PDE11A: variants seen among roughly 807,000 people sequenced by gnomAD.
PDE11A encodes the protein dual 3',5'-cyclic-AMP and -GMP phosphodiesterase 11A.
In PDE11A, 100 loss-of-function variants were observed where a neutral mutation model predicts 100.5. That is an observed-to-expected ratio of 1.00 (90% CI 0.85 to 1.18). The LOEUF (loss-of-function observed/expected upper bound fraction) is 1.18, where lower values mean the gene tolerates loss of function less well. PDE11A is among the 50% of genes most tolerant of loss of function. The pLI is 0.00. For synonymous variants in PDE11A, 381 were observed against 420.8 expected (o/e 0.91, Z 1.16); for missense variants, 1,141 against 1,152.6 (o/e 0.99, Z 0.15).
chr2:177,790,627 T>C (rs1363526199), intron 9 of PDE11A, among the ~76,000 whole-genome samples: 2 of 152,170 alleles, frequency 1.3e-5, no homozygotes, highest in East Asian at 1.9e-4. Flanking sequence ...AGAAAATTTT[T>C]GCAACCTACT....
At chr2:177,930,947 C>A (rs1468319788) in intron 2 of PDE11A, among the ~76,000 whole-genome samples, 1 of 152,204 alleles carries the variant, frequency 6.6e-6, no homozygotes, top group Non-Finnish European at 1.5e-5. Context: ...GGGAGTCTTG[C>A]ACTGTGGCTC....
At chr2:178,071,459 T>A (rs973562415) in intron 1 of PDE11A, 67 bp downstream of exon 1, 7 of 1,604,310 alleles carry the variant, frequency 4.4e-6, no homozygotes, top group Non-Finnish European at 6.0e-6. Context: ...GGATGCCAGA[T>A]GATAACCGAA....
At chr2:177,689,659 T>G (rs2081014342) in intron 15 of PDE11A, among the ~76,000 whole-genome samples, 1 of 152,220 alleles carries the variant, frequency 6.6e-6, no homozygotes, top group Non-Finnish European at 1.5e-5. Context: ...TGAAGTGAAC[T>G]TTCTCCCTGC....
At chr2:177,888,405 A>G (rs528256062) in intron 4 of PDE11A, among the ~76,000 whole-genome samples, 2 of 152,308 alleles carry the variant, frequency 1.3e-5, no homozygotes, top group South Asian at 4.1e-4. Flanking sequence ...TTCTAAGACA[A>G]TTGGTTATAC....
At chr2:178,054,750 C>G (rs1454128128) in intron 1 of PDE11A, among the ~76,000 whole-genome samples, 3 of 152,178 alleles carry the variant, frequency 2.0e-5, no homozygotes, top group Non-Finnish European at 4.4e-5. Context: ...TGAAAAAATG[C>G]TCATCATCAC....
intron 13 of PDE11A, among the ~76,000 whole-genome samples, chr2:177,707,812 G>A (rs1022323781): frequency 3.9e-5 from 6 of 152,168 alleles, no homozygotes; most frequent in African/African-American, 9.7e-5. Flanking sequence ...CTCTGTCAGC[G>A]CCATACACCA....
At chr2:177,795,963 A>ATC (rs2082701716) in intron 9 of PDE11A, among the ~76,000 whole-genome samples, 1 of 122,252 alleles carries the variant, frequency 8.2e-6, no homozygotes, top group African/African-American at 4.0e-5. Flanking sequence ...ATATATATAT[A>ATC]TATATATATA....
At chr2:177,802,434 C>T (rs1350678986) in intron 9 of PDE11A, among the ~76,000 whole-genome samples, 1 of 151,934 alleles carries the variant, frequency 6.6e-6, no homozygotes, top group Non-Finnish European at 1.5e-5. Context: ...ATTCACACAG[C>T]CCCAAAATGG....
At chr2:177,668,631 G>T (rs1362176789) in intron 18 of PDE11A, among the ~76,000 whole-genome samples, 1 of 152,162 alleles carries the variant, frequency 6.6e-6, no homozygotes, top group African/African-American at 2.4e-5. Flanking sequence ...TAGTTCTCTT[G>T]CTTTTCCTTG....
At chr2:177,634,244 T>C (rs1246172392) in intron 19 of PDE11A, among the ~76,000 whole-genome samples, 1 of 152,198 alleles carries the variant, frequency 6.6e-6, no homozygotes, top group African/African-American at 2.4e-5. Context: ...GAGGAATACA[T>C]ATTTCTCAGA....
intron 13 of PDE11A, among the ~76,000 whole-genome samples, chr2:177,706,399 C>T (rs1290559790): frequency 6.6e-6 from 1 of 152,180 alleles, no homozygotes; most frequent in Non-Finnish European, 1.5e-5. Context: ...CTCTTTATTT[C>T]TCCCACAATT....
chr2:177,814,318 C>T lies in PDE11A; in HGVS notation c.1737+2511G>A, dbSNP rs185177900. Among the ~76,000 whole-genome samples the T allele has an allele frequency of 5.6e-4, 85 of 151,822 alleles. No individual in the cohort carries two copies. In the Middle Eastern group the frequency reaches 0.01, roughly 18 times the overall value. ...AGAAGTTGATGTATATTATAATATA[C>T]GTATATCTCATTCCTGAATTTGGGT... On this transcript the variant is annotated intron_variant, in intron 9 of 19. Transcript: ENST00000286063.
At chr2:178,034,505 C>T (rs985658887) in intron 1 of PDE11A, among the ~76,000 whole-genome samples, 10 of 152,150 alleles carry the variant, frequency 6.6e-5, no homozygotes, top group Non-Finnish European at 4.4e-5. Flanking sequence ...GACTTGAACT[C>T]GGCTATGGAC....
intron 2 of PDE11A, among the ~76,000 whole-genome samples, chr2:177,979,611 C>CTT (rs57168619): frequency 9.4e-5 from 10 of 106,878 alleles, no homozygotes; most frequent in Non-Finnish European, 1.5e-4. Flanking sequence ...CTCAGATGAT[C>CTT]TTTTTTTTTT....
At chr2:177,911,337 TTTCCAGAGATTCCAGAGGAAAGCCCTGC>T (rs1450756034) in intron 2 of PDE11A, among the ~76,000 whole-genome samples, 3 of 152,236 alleles carry the variant, frequency 2.0e-5, no homozygotes, top group Admixed American at 6.5e-5. Flanking sequence ...AGTTTGCAGT[TTTCCAGAGATTCCAGAGGAAAGCCCTGC>T]TTCCAGAGGT....
chr2:177,758,677 C>T (rs1221951588), intron 10 of PDE11A, among the ~76,000 whole-genome samples: 1 of 152,220 alleles, frequency 6.6e-6, no homozygotes, highest in Non-Finnish European at 1.5e-5. Flanking sequence ...AGCATCTGAC[C>T]TGCTGACCTC....
At chr2:178,002,209 G>A (rs2105818507) in intron 2 of PDE11A, among the ~76,000 whole-genome samples, 1 of 152,238 alleles carries the variant, frequency 6.6e-6, no homozygotes, top group South Asian at 2.1e-4. Flanking sequence ...TATGATGATG[G>A]CCTCCAGCTG....
At chr2:177,637,998 T>TA (rs1491152209) in intron 19 of PDE11A, among the ~76,000 whole-genome samples, 6,348 of 21,994 alleles carry the variant, frequency 0.29, 369 homozygotes, top group East Asian at 0.37. Context: ...TATATATATA[T>TA]TTTTTTTTTT....
intron 6 of PDE11A, among the ~76,000 whole-genome samples, chr2:177,827,059 G>A (rs1301947373): frequency 1.3e-5 from 2 of 152,184 alleles, no homozygotes; most frequent in Non-Finnish European, 2.9e-5. Context: ...AGCCACTGTG[G>A]GGGTGCGGGA....
Sources: allele counts gnomAD v4.1 joint callset (sites outside exome capture counted in the v4.1 genomes callset), GRCh38; gene constraint gnomAD v4.1.1; transcripts MANE v1.5; gene names NCBI Gene and HGNC (gene_info 2026-07-23, HGNC 2026-07-21).